Variants in FAT3 observed in about 807,000 individuals in gnomAD.
FAT3 encodes the protein FAT atypical cadherin 3.
FAT3 carries 95 observed loss-of-function variants against 310.2 expected under a neutral mutation model. That is an observed-to-expected ratio of 0.31 (90% confidence interval 0.26 to 0.36). FAT3 has a LOEUF of 0.36. Ranked by LOEUF, FAT3 falls within the 10% of genes least tolerant of loss-of-function variation. The pLI, the probability that FAT3 is intolerant of heterozygous loss-of-function variation, is 1.00. For synonymous variants in FAT3, 2,314 were observed against 2,192.9 expected (o/e 1.06, Z -1.54); for missense variants, 5,408 against 5,715.6 (o/e 0.95, Z 1.74).
chr11:92,458,293 A>G (rs796485180), intron 2 of FAT3, among the ~76,000 whole-genome samples: 1 of 152,216 alleles, frequency 6.6e-6, no homozygotes, highest in South Asian at 2.1e-4. Flanking sequence ...GATAATGCCC[A>G]TTAATCTGTA....
Position 92,891,305 on chromosome 11 carries a change from A to C in FAT3, c.*192A>C, listed in dbSNP as rs192452252. ...CCAGTTGGGTGAAAATGAAAGGCTCAGAAATTGTTTTTGAGAGGTGACTGG... is the reference window on the plus strand; with the variant it reads ...CCAGTTGGGTGAAAATGAAAGGCTCCGAAATTGTTTTTGAGAGGTGACTGG... On this transcript the variant is annotated 3_prime_UTR_variant, in exon 28 of 28. Coordinates refer to ENST00000525166, the MANE Select transcript of FAT3 (RefSeq NM_001367949.2). 299 of 814,614 alleles carry C rather than the reference A, an allele frequency of 3.7e-4. 1 individual carries two copies. Among genetic ancestry groups the C allele is most frequent in the African/African-American group, 3.6e-3 (211 of 57,912 alleles). 50.5% of individuals were successfully genotyped at this position (814,614 alleles called of 1,614,324 possible).
At chr11:92,562,854 C>G (rs191553579) in intron 3 of FAT3, among the ~76,000 whole-genome samples, 1 of 152,272 alleles carries the variant, frequency 6.6e-6, no homozygotes, top group African/African-American at 2.4e-5. Flanking sequence ...TGGATGCTGT[C>G]CACTCACACA....
At position 92,859,920 on chromosome 11, in the gene FAT3, G is replaced by A. The variant is rs192354073; in HGVS notation, c.11658+598G>A. Among the ~76,000 whole-genome samples, 56 of 152,256 alleles carry A rather than the reference G, an allele frequency of 3.7e-4. 1 individual carries two copies. The highest frequency in any genetic ancestry group is 7.2e-4 in the Admixed American group (11 of 15,298). On this transcript the variant is annotated intron_variant, in intron 21 of 27. Transcript: ENST00000525166. ...AAAACAACAATAATAATGGTAATGG[G>A]CCAGGTGTGGTGGCTCACACCTGTA...
intron 22 of FAT3, among the ~76,000 whole-genome samples, chr11:92,875,948 G>A (rs532798544): frequency 2.6e-5 from 4 of 152,274 alleles, no homozygotes; most frequent in African/African-American, 9.6e-5. Context: ...TTGCTTCTCT[G>A]CCATCAGATC....
chr11:92,886,435 C>A (rs565411235), intron 24 of FAT3, among the ~76,000 whole-genome samples: 124 of 152,260 alleles, frequency 8.1e-4, no homozygotes, highest in African/African-American at 2.8e-3. Flanking sequence ...ATCCACACCA[C>A]TGCCAGCCCT....
intron 22 of FAT3, among the ~76,000 whole-genome samples, chr11:92,876,633 T>A (rs1949542289): frequency 6.6e-6 from 1 of 152,204 alleles, no homozygotes; most frequent in South Asian, 2.1e-4. Context: ...CCAGGAAGGC[T>A]GGGGCTGCAT....
chr11:92,776,675 T>A (rs1271597421), intron 7 of FAT3, among the ~76,000 whole-genome samples: 1 of 152,204 alleles, frequency 6.6e-6, no homozygotes, highest in Non-Finnish European at 1.5e-5. Context: ...GTTAGAGAAT[T>A]AGGTGAACTT....
At chr11:92,663,493 A>G (rs1942857040) in intron 3 of FAT3, among the ~76,000 whole-genome samples, 1 of 152,172 alleles carries the variant, frequency 6.6e-6, no homozygotes, top group African/African-American at 2.4e-5. Flanking sequence ...TTAAATAGCA[A>G]CTGCCTCTTG....
At chr11:92,341,813 G>T (rs921972306) in intron 1 of FAT3, among the ~76,000 whole-genome samples, 1 of 152,058 alleles carries the variant, frequency 6.6e-6, no homozygotes, top group Admixed American at 6.6e-5. Flanking sequence ...CAGCCATTTC[G>T]TGATATATTG....
At chr11:92,604,920 T>C (rs368640961) in intron 3 of FAT3, among the ~76,000 whole-genome samples, 17 of 152,374 alleles carry the variant, frequency 1.1e-4, no homozygotes, top group African/African-American at 4.1e-4. Flanking sequence ...TTTTGAGTTA[T>C]GTTTCCTCAT....
chr11:92,404,578 G>A (rs1440101258), intron 2 of FAT3, among the ~76,000 whole-genome samples: 1 of 151,600 alleles, frequency 6.6e-6, no homozygotes, highest in African/African-American at 2.4e-5. Context: ...AATATGGCAG[G>A]TGGATGAAAC....
intron 1 of FAT3, among the ~76,000 whole-genome samples, chr11:92,232,125 A>C (rs186870743): frequency 1.3e-5 from 2 of 152,298 alleles, no homozygotes; most frequent in East Asian, 3.9e-4. Context: ...TTTTGCAGCT[A>C]GGGTTTTCTC....
intron 2 of FAT3, among the ~76,000 whole-genome samples, chr11:92,503,536 G>A (rs1365779400): frequency 1.3e-5 from 2 of 152,010 alleles, no homozygotes; most frequent in Non-Finnish European, 2.9e-5. Flanking sequence ...TTCCACAAGG[G>A]CATATCACTA....
chr11:92,377,151 A>G (rs1420925324), intron 2 of FAT3, among the ~76,000 whole-genome samples: 1 of 152,236 alleles, frequency 6.6e-6, no homozygotes, highest in East Asian at 1.9e-4. Flanking sequence ...GCATGGGAAC[A>G]CATGTTTATG....
At chr11:92,590,339 G>A (rs1312854844) in intron 3 of FAT3, among the ~76,000 whole-genome samples, 2 of 152,134 alleles carry the variant, frequency 1.3e-5, no homozygotes, top group Non-Finnish European at 2.9e-5. Context: ...GGAAGGCTGC[G>A]TCTGACAGAA....
At chr11:92,762,862 G>A (rs1006724094) in intron 5 of FAT3, among the ~76,000 whole-genome samples, 1 of 151,988 alleles carries the variant, frequency 6.6e-6, no homozygotes, top group African/African-American at 2.4e-5. Flanking sequence ...CAATGAGCAT[G>A]GTCCAGGGTC....
At chr11:92,439,326 G>A (rs1364402331) in intron 2 of FAT3, among the ~76,000 whole-genome samples, 1 of 151,984 alleles carries the variant, frequency 6.6e-6, no homozygotes, top group Non-Finnish European at 1.5e-5. Flanking sequence ...TGTCTTATTA[G>A]GTACACTTAC....
chr11:92,264,894 T>C (rs886316427), intron 1 of FAT3, among the ~76,000 whole-genome samples: 12 of 152,104 alleles, frequency 7.9e-5, no homozygotes, highest in Non-Finnish European at 1.5e-4. Flanking sequence ...TCACCTTGGA[T>C]TTGAAATCCA....
chr11:92,351,723 G>A (rs1204172516), intron 1 of FAT3, among the ~76,000 whole-genome samples: 2 of 151,766 alleles, frequency 1.3e-5, no homozygotes, highest in Non-Finnish European at 2.9e-5. Flanking sequence ...TGTTTCTATA[G>A]GATAATTACT....
Sources: gnomAD v4.1 joint callset for allele counts (sites outside exome capture counted in the v4.1 genomes callset) on GRCh38, gnomAD v4.1.1 for gene constraint, MANE v1.5 for transcripts, NCBI Gene and HGNC (gene_info 2026-07-23, HGNC 2026-07-21) for gene names.